Variants in PNLIPRP1 observed in about 807,000 individuals in gnomAD.
The protein encoded by PNLIPRP1 is inactive pancreatic lipase-related protein 1.
Under a neutral mutation model 54.6 loss-of-function variants are expected in PNLIPRP1, and 57 were observed. The observed-to-expected ratio is 1.04, with a 90% CI of 0.84 to 1.30. The LOEUF (loss-of-function observed/expected upper bound fraction) is 1.30, where lower values mean the gene tolerates loss of function less well. Ranked by LOEUF, PNLIPRP1 falls within the 50% of genes most tolerant of loss-of-function variation. The pLI is 0.00. For missense variants in PNLIPRP1, 567 were observed against 568.5 expected (o/e 1.00, Z 0.03); for synonymous variants, 232 against 208.8 (o/e 1.11, Z -0.96).
Position 116,605,532 on chromosome 10 carries a change from A to G in PNLIPRP1, c.1319A>G (p.Gln440Arg). The G allele has an allele frequency of 1.2e-6, 2 of 1,604,750 alleles. No individual in the cohort carries two copies. The highest frequency in any genetic ancestry group is 1.1e-5 in the South Asian group (1 of 89,584). Reference protein sequence around the residue: ...PKVGATKITVQKGEEKTVYNF... With the variant: ...PKVGATKITVRKGEEKTVYNF... ...GTGGGTGCCACCAAGATCACTGTGC[A>G]AAAGGGAGAAGAGAAGACAGTGTAT... The change falls in exon 12 of 13, where the codon CAA (glutamine) becomes CGA (arginine). Residue 440 changes from glutamine (Q) to arginine (R), a missense_variant. Physicochemically the swap from Gln to Arg is conservative, Grantham distance 43 (BLOSUM62 1). Transcript: ENST00000358834.
At chr10:116,600,023 A>G in intron 8 of PNLIPRP1, 24 bp from the exon 9 acceptor site, 1 of 1,504,936 alleles carries the variant, frequency 6.6e-7, no homozygotes, top group Non-Finnish European at 9.3e-7. Flanking sequence ...CCACCTGTTC[A>G]GGTCTCCTTA....
chr10:116,609,027 C>G, intron 12 of PNLIPRP1, 26 bp from the exon 13 acceptor site: 1 of 1,586,142 alleles, frequency 6.3e-7, no homozygotes, highest in Non-Finnish European at 8.7e-7. Context: ...GACCCAAACT[C>G]TTACAAAGCT....
intron 10 of PNLIPRP1, among the ~76,000 whole-genome samples, chr10:116,601,404 T>C (rs782239580): frequency 2.0e-5 from 3 of 152,200 alleles, no homozygotes; most frequent in Non-Finnish European, 2.9e-5. Flanking sequence ...TTCTGCGGCA[T>C]GAAATGAGAG....
chr10:116,597,031 G>A (rs1554864067), intron 6 of PNLIPRP1, among the ~76,000 whole-genome samples: 1 of 152,136 alleles, frequency 6.6e-6, no homozygotes, highest in East Asian at 1.9e-4. Flanking sequence ...ACTCATCAGT[G>A]GGAGAACTGA....
intron 9 of PNLIPRP1, 41 bp from the exon 10 acceptor site, chr10:116,601,031 C>A: frequency 6.3e-7 from 1 of 1,575,396 alleles, no homozygotes; most frequent in Non-Finnish European, 8.6e-7. Flanking sequence ...ATCATACAAA[C>A]ACAAATTCTC....
chr10:116,593,407 T>C, intron 4 of PNLIPRP1, among the ~76,000 whole-genome samples: 1 of 152,152 alleles, frequency 6.6e-6, no homozygotes, highest in East Asian at 1.9e-4. Context: ...ACTAGTTCAA[T>C]CGATTTTTCT....
At chr10:116,591,077 T>C in intron 1 of PNLIPRP1, 53 bp from the exon 2 acceptor site, 1 of 1,454,734 alleles carries the variant, frequency 6.9e-7, no homozygotes, top group Non-Finnish European at 9.6e-7. Flanking sequence ...GCGTCGGTGC[T>C]CACTGCTCTG....
chr10:116,607,873 G>A (rs1847961939), intron 12 of PNLIPRP1, among the ~76,000 whole-genome samples: 1 of 152,214 alleles, frequency 6.6e-6, no homozygotes. Context: ...GAGAATGACT[G>A]AGATGGAATC....
At position 116,598,029 on chromosome 10, in the gene PNLIPRP1, T is replaced by C. The variant is rs1297212244; in HGVS notation, c.695-18T>C. On this transcript the variant is annotated intron_variant, in intron 7 of 12. Coordinates refer to ENST00000358834, the MANE Select transcript of PNLIPRP1 (RefSeq NM_006229.4). ...GTCCTGCATGACAAAAAGCTCATTGTTTTTCTAAGCATTTCAGGTTTTGGA... is the reference window on the plus strand; with the variant it reads ...GTCCTGCATGACAAAAAGCTCATTGCTTTTCTAAGCATTTCAGGTTTTGGA... 4 of 1,614,066 alleles carry C rather than the reference T, an allele frequency of 2.5e-6. No homozygotes were observed. Among genetic ancestry groups the C allele is most frequent in the Non-Finnish European group, 3.4e-6 (4 of 1,179,988 alleles).
chr10:116,600,834 A>G (rs571932937), intron 9 of PNLIPRP1, among the ~76,000 whole-genome samples: 1 of 152,332 alleles, frequency 6.6e-6, no homozygotes, highest in South Asian at 2.1e-4. Context: ...AATTGATCTA[A>G]CCTGGGTCCT....
At chr10:116,600,477 A>C (rs17094995) in intron 9 of PNLIPRP1, 20,223 of 258,688 alleles carry the variant, frequency 0.078, 900 homozygotes, top group Middle Eastern at 0.13. Context: ...CAGTTTAGAA[A>C]ACACAGGAAT....
Position 116,598,050 on chromosome 10 carries a change from T to C in PNLIPRP1, c.698T>C (p.Phe233Ser). The change falls in exon 8 of 13, where the codon TTT becomes TCT. Residue 233 changes from phenylalanine to serine, a missense_variant. Transcript: ENST00000358834. ...DAAPLIPFLG[F>S]GTNQQMGHLD... ...ATTGTTTTTCTAAGCATTTCAGGTT[T>C]TGGAACGAACCAACAGATGGGTCAT... 6.2e-7 allele frequency: 1 copy of C among 1,614,088 alleles called. No homozygotes were observed. The highest frequency in any genetic ancestry group is 1.3e-5 in the African/African-American group (1 of 75,028).
chr10:116,592,597 C>A, intron 4 of PNLIPRP1, 56 bp downstream of exon 4: 1 of 1,602,574 alleles, frequency 6.2e-7, no homozygotes, highest in Non-Finnish European at 8.5e-7. Context: ...CTGCTAACAT[C>A]TCTGCATCAC....
At chr10:116,604,229 A>G in intron 11 of PNLIPRP1, 91 bp downstream of exon 11, 1 of 628,944 alleles carries the variant, frequency 1.6e-6, no homozygotes, top group South Asian at 2.3e-5. Flanking sequence ...ATCTCTTTAT[A>G]TGTCACTGGT....
chr10:116,594,999 A>T, intron 5 of PNLIPRP1, 135 bp downstream of exon 5: 1 of 1,138,698 alleles, frequency 8.8e-7, no homozygotes, highest in Non-Finnish European at 1.2e-6. Flanking sequence ...AAAACTCTGA[A>T]ATTTGCCTTC....
chr10:116,605,347 T>C (rs782672317), intron 11 of PNLIPRP1, 39 bp from the exon 12 acceptor site: 5 of 1,349,298 alleles, frequency 3.7e-6, no homozygotes, highest in East Asian at 2.4e-5. Context: ...TTAGAACTCA[T>C]TTCCGTGAAC....
At chr10:116,594,329 C>T (rs782249250) in intron 4 of PNLIPRP1, 8 of 517,076 alleles carry the variant, frequency 1.5e-5, no homozygotes, top group Admixed American at 2.0e-5. Flanking sequence ...CCTGGGGCAT[C>T]GCCAAGAGCC....
chr10:116,605,688 C>T, intron 12 of PNLIPRP1, 135 bp downstream of exon 12: 1 of 536,744 alleles, frequency 1.9e-6, no homozygotes, highest in South Asian at 4.0e-5. Context: ...CCCTTCTCCC[C>T]AAACAAGCAA....
chr10:116,597,562 G>T (rs1475703850), intron 6 of PNLIPRP1, among the ~76,000 whole-genome samples: 1 of 152,200 alleles, frequency 6.6e-6, no homozygotes, highest in Non-Finnish European at 1.5e-5. Flanking sequence ...GGAGACTCTG[G>T]TGTGGAAAAA....
Sources: gnomAD v4.1 joint callset for allele counts (sites outside exome capture counted in the v4.1 genomes callset) on GRCh38, gnomAD v4.1.1 for gene constraint, MANE v1.5 for transcripts, NCBI Gene and HGNC (gene_info 2026-07-23, HGNC 2026-07-21) for gene names.